Variants in FOXN2 observed in about 807,000 individuals in gnomAD.
FOXN2 encodes forkhead box N2.
In FOXN2, 19 loss-of-function variants were observed where a neutral mutation model predicts 41.2. The ratio of observed to expected loss-of-function variants is 0.46; its 90% CI spans 0.32 to 0.68. The LOEUF is 0.68. Among genes scored for constraint, FOXN2 ranks in the 30% least tolerant of loss-of-function variants. The probability of loss-of-function intolerance (pLI) is 0.03; values close to 1 mark genes in which losing one functional copy is unlikely to be tolerated. For synonymous variants in FOXN2, 195 were observed against 176.8 expected (o/e 1.10, Z -0.82); for missense variants, 587 against 509.4 (o/e 1.15, Z -1.47).
At chr2:48,363,147 C>G (rs898775898) in intron 5 of FOXN2, among the ~76,000 whole-genome samples, 1 of 152,070 alleles carries the variant, frequency 6.6e-6, no homozygotes, top group Non-Finnish European at 1.5e-5. Flanking sequence ...TTTATTGTCC[C>G]TAAAGACCTT....
chr2:48,373,419 A>G (rs574512509), intron 6 of FOXN2, 59 bp downstream of exon 6: 2 of 969,156 alleles, frequency 2.1e-6, no homozygotes, highest in South Asian at 1.4e-5. Flanking sequence ...TTTAACCTAG[A>G]CTATAAAATA....
At chr2:48,318,126 C>T (rs528440273) in intron 1 of FOXN2, among the ~76,000 whole-genome samples, 2 of 152,256 alleles carry the variant, frequency 1.3e-5, no homozygotes, top group South Asian at 4.1e-4. Context: ...AGCTAGTATA[C>T]AGAGTATACC....
chr2:48,348,887 T>C (rs1671278536), intron 3 of FOXN2, among the ~76,000 whole-genome samples: 2 of 152,230 alleles, frequency 1.3e-5, no homozygotes, highest in Admixed American at 6.5e-5. Context: ...TCTGTTGCCC[T>C]TCCTACAGCA....
chr2:48,335,452 A>G (rs554644549), intron 2 of FOXN2, among the ~76,000 whole-genome samples: 1 of 151,304 alleles, frequency 6.6e-6, no homozygotes, highest in Non-Finnish European at 1.5e-5. Context: ...GAAAAGACAG[A>G]TTACCTCCAA....
chr2:48,372,829 A>G (rs888518051), intron 5 of FOXN2, among the ~76,000 whole-genome samples: 1 of 152,112 alleles, frequency 6.6e-6, no homozygotes, highest in Non-Finnish European at 1.5e-5. Flanking sequence ...CTGACGAATT[A>G]CATATTTTTA....
intron 1 of FOXN2, among the ~76,000 whole-genome samples, chr2:48,318,778 C>T (rs1434289311): frequency 6.6e-6 from 1 of 152,126 alleles, no homozygotes; most frequent in African/African-American, 2.4e-5. Flanking sequence ...TGGAGTCTGC[C>T]TGATTTAAGT....
intron 2 of FOXN2, among the ~76,000 whole-genome samples, chr2:48,344,766 A>G (rs961534417): frequency 1.3e-5 from 2 of 152,158 alleles, no homozygotes; most frequent in African/African-American, 4.8e-5. Context: ...AAAAGTAGAA[A>G]TAAAATTAGC....
At chr2:48,315,598 C>A (rs72887650) in intron 1 of FOXN2, among the ~76,000 whole-genome samples, 18,372 of 152,228 alleles carry the variant, frequency 0.12, 1,305 homozygotes, top group African/African-American at 0.2. Flanking sequence ...GTGGAAGAGG[C>A]CTTCAGCCTT....
chr2:48,358,931 G>C (rs1280944658), intron 3 of FOXN2, 116 bp from the exon 4 acceptor site: 3 of 731,020 alleles, frequency 4.1e-6, no homozygotes, highest in Non-Finnish European at 6.7e-6. Context: ...TTCAACCTTA[G>C]TTTCATACTC....
chr2:48,342,316 A>G (rs569745935), intron 2 of FOXN2, among the ~76,000 whole-genome samples: 6 of 152,224 alleles, frequency 3.9e-5, no homozygotes, highest in Non-Finnish European at 7.4e-5. Context: ...TAGAAAATGT[A>G]AGTTGTTTAT....
chr2:48,324,800 CTT>C lies in FOXN2; in HGVS notation c.-156-3760_-156-3759del, dbSNP rs147127083. Among the ~76,000 whole-genome samples, 736 of 152,176 alleles carry C rather than the reference CTT, an allele frequency of 4.8e-3. 2 individuals carry two copies. The highest frequency in any genetic ancestry group is 0.011 in the South Asian group (52 of 4,822). On this transcript the variant is annotated intron_variant, in intron 1 of 6. Transcript: ENST00000340553. ...TCATGTCTATTGTTTATTTTGGTCT[CTT>C]AACATAAATAACTACAGTAAAAAAG... is the stretch of plus-strand genomic sequence containing the variant.
At chr2:48,341,584 G>T (rs1337431274) in intron 2 of FOXN2, among the ~76,000 whole-genome samples, 3 of 152,314 alleles carry the variant, frequency 2.0e-5, no homozygotes, top group South Asian at 2.1e-4. Flanking sequence ...GTGCAAGGAA[G>T]GGTTGAAGCT....
chr2:48,348,532 A>T (rs996654939), intron 3 of FOXN2, among the ~76,000 whole-genome samples: 2 of 152,182 alleles, frequency 1.3e-5, no homozygotes, highest in Non-Finnish European at 2.9e-5. Flanking sequence ...TATGTATTTT[A>T]TAATTTTGGA....
chr2:48,335,797 G>A (rs1187355281), intron 2 of FOXN2, among the ~76,000 whole-genome samples: 1 of 151,908 alleles, frequency 6.6e-6, no homozygotes, highest in Non-Finnish European at 1.5e-5. Context: ...GGAGGCTGAG[G>A]CAGGCGGATC....
chr2:48,315,247 G>A (rs1263436259), intron 1 of FOXN2, among the ~76,000 whole-genome samples: 1 of 152,158 alleles, frequency 6.6e-6, no homozygotes, highest in Non-Finnish European at 1.5e-5. Context: ...CGGAGCCTTT[G>A]CAACGCCCCC....
At chr2:48,321,647 T>G (rs1669329701) in intron 1 of FOXN2, among the ~76,000 whole-genome samples, 2 of 152,098 alleles carry the variant, frequency 1.3e-5, no homozygotes, top group South Asian at 4.1e-4. Context: ...ACATTTTATG[T>G]GGTAAGGGTA....
intron 4 of FOXN2, among the ~76,000 whole-genome samples, chr2:48,360,855 A>C (rs1464729075): frequency 6.6e-6 from 1 of 151,258 alleles, no homozygotes; most frequent in African/African-American, 2.4e-5. Context: ...TCTACCAAAA[A>C]TACAAAAATT....
At chr2:48,329,514 C>A (rs1572705985) in intron 2 of FOXN2, among the ~76,000 whole-genome samples, 3 of 152,122 alleles carry the variant, frequency 2.0e-5, no homozygotes, top group Admixed American at 6.5e-5. Context: ...CACTCCCATC[C>A]CCCTTGACTA....
At position 48,378,785 on chromosome 2, in the gene FOXN2, G is replaced by C. The variant is rs1673399791; in HGVS notation, c.*3342G>C. On this transcript the variant is annotated 3_prime_UTR_variant, in exon 7 of 7. Coordinates refer to ENST00000340553, the MANE Select transcript of FOXN2 (RefSeq NM_002158.4). The stretch of plus-strand genomic sequence containing the variant: ...GTAGTAAAAATATTTATTGAAAGGT[G>C]AATTCGAGTATTTTAATGTTATACC... 6.6e-6 allele frequency: 1 copy of C among 151,896 alleles called. No homozygotes were observed. Among genetic ancestry groups the C allele is most frequent in the Non-Finnish European group, 1.5e-5 (1 of 67,828 alleles). 9.4% of individuals were successfully genotyped at this position (151,896 alleles called of 1,614,324 possible). A position where few individuals can be genotyped will look rare whatever the true frequency, so the allele number is the denominator to read the frequency against.
Sources: gnomAD v4.1 joint callset for allele counts (sites outside exome capture counted in the v4.1 genomes callset) on GRCh38, gnomAD v4.1.1 for gene constraint, MANE v1.5 for transcripts, NCBI Gene and HGNC (gene_info 2026-07-23, HGNC 2026-07-21) for gene names.